The following MYO6 variants were observed in gnomAD, a reference collection of about 807,000 sequenced individuals.
The protein encoded by MYO6 is myosin VI, also known as unconventional myosin-VI.
Under a neutral mutation model 178.7 loss-of-function variants are expected in MYO6, and 74 were observed. The observed-to-expected ratio is 0.41, with a 90% CI of 0.34 to 0.50. The LOEUF (loss-of-function observed/expected upper bound fraction) is 0.50, where lower values mean the gene tolerates loss of function less well. MYO6 is among the 20% of genes least tolerant of loss of function. MYO6 has a pLI of 0.09. For synonymous variants in MYO6, 477 were observed against 504.6 expected (o/e 0.95, Z 0.73); for missense variants, 1,330 against 1,547.4 (o/e 0.86, Z 2.36).
Position 75,840,567 on chromosome 6 carries a change from T to A in MYO6, c.554-18T>A, listed in dbSNP as rs748675154. The A allele has an allele frequency of 4.9e-5, 77 of 1,574,294 alleles. No homozygotes were observed. Among genetic ancestry groups the A allele is most frequent in the Non-Finnish European group, 6.5e-5 (74 of 1,143,920 alleles). On this transcript the variant is annotated intron_variant, in intron 7 of 34. Coordinates refer to ENST00000369977, the MANE Select transcript of MYO6 (RefSeq NM_004999.4). ...CCGTCATGCTAATTTTTTGATGGAT[T>A]TTTTTGTTTCTCAATAGCTAACCCA...
chr6:75,848,352 A>G lies in MYO6; in HGVS notation c.899A>G (p.Tyr300Cys). ...QILQNRKSPE[Y>C]LKAGSMKDPL... is the part of the protein sequence containing the mutation. Reference sequence around the variant, plus strand: ...AATTGGTGTCTTCTTGTTTTGTAGTACCTTAAGGCAGGTTCTATGAAAGAT... The same window carrying G: ...AATTGGTGTCTTCTTGTTTTGTAGTGCCTTAAGGCAGGTTCTATGAAAGAT... The change falls in exon 11 of 35, where the codon TAC (tyrosine) becomes TGC (cysteine). Residue 300 changes from tyrosine (Y) to cysteine (C), a missense_variant and splice_region_variant. By Grantham distance (194) the Tyr-to-Cys change is radical. Coordinates refer to ENST00000369977, the MANE Select transcript of MYO6 (RefSeq NM_004999.4). The G allele has an allele frequency of 6.2e-7, 1 of 1,613,352 alleles. No individual in the cohort carries two copies. The highest frequency in any genetic ancestry group is 8.5e-7 in the Non-Finnish European group (1 of 1,179,438).
At chr6:75,847,920 C>T (rs1269439621) in intron 10 of MYO6, among the ~76,000 whole-genome samples, 2 of 151,772 alleles carry the variant, frequency 1.3e-5, no homozygotes, top group African/African-American at 4.8e-5. Context: ...ATGTTTGATA[C>T]ATGTATACAT....
chr6:75,903,592 C>T (rs1182356897), intron 30 of MYO6, among the ~76,000 whole-genome samples: 1 of 152,124 alleles, frequency 6.6e-6, no homozygotes, highest in African/African-American at 2.4e-5. Context: ...AGATCTTCCT[C>T]CATCCTTTTA....
At chr6:75,874,265 T>C (rs1777387721) in intron 20 of MYO6, among the ~76,000 whole-genome samples, 1 of 152,226 alleles carries the variant, frequency 6.6e-6, no homozygotes, top group African/African-American at 2.4e-5. Context: ...ACCATAGCTA[T>C]TGAGAAATCT....
At chr6:75,774,256 A>G (rs1766157072) in intron 1 of MYO6, among the ~76,000 whole-genome samples, 1 of 152,198 alleles carries the variant, frequency 6.6e-6, no homozygotes, top group African/African-American at 2.4e-5. Flanking sequence ...ATAAAATGGT[A>G]TATATTTTTC....
chr6:75,799,574 T>C (rs962529209), intron 1 of MYO6, among the ~76,000 whole-genome samples: 1 of 152,124 alleles, frequency 6.6e-6, no homozygotes, highest in Non-Finnish European at 1.5e-5. Context: ...CAAGCAAATA[T>C]ATAGACTTGT....
intron 18 of MYO6, among the ~76,000 whole-genome samples, chr6:75,870,062 C>T (rs910297176): frequency 1.3e-5 from 2 of 151,582 alleles, no homozygotes; most frequent in Non-Finnish European, 2.9e-5. Context: ...TGCAGTGAGC[C>T]TAGATCATGC....
intron 1 of MYO6, among the ~76,000 whole-genome samples, chr6:75,768,630 C>G (rs150939126): frequency 6.6e-6 from 1 of 152,162 alleles, no homozygotes; most frequent in African/African-American, 2.4e-5. Flanking sequence ...GATCCACCAG[C>G]CTCTGACTCC....
chr6:75,880,115 G>A lies in MYO6; in HGVS notation c.2281G>A (p.Gly761Ser). The A allele has an allele frequency of 1.1e-5, 18 of 1,605,714 alleles. No homozygotes were observed. The highest frequency in any genetic ancestry group is 1.5e-5 in the Non-Finnish European group (18 of 1,174,836). Residue 761 changes from glycine (G) to serine (S), a missense_variant, in exon 22 of 35, where the codon GGC becomes AGC. By Grantham distance (56) the Gly-to-Ser change is moderately conservative (BLOSUM62 0). Around this residue, in one of 3 missense-constraint regions of MYO6, gnomAD observed 613 missense variants for 816.8 expected, o/e 0.75. Coordinates refer to ENST00000369977, the MANE Select transcript of MYO6 (RefSeq NM_004999.4). ...GTTAACCAAAGTATTTTTTAGACCT[G>A]GCAAGGTAAATATACATTTTTTACT... is the stretch of plus-strand genomic sequence containing the variant. ...FGLTKVFFRPGKFAEFDQIMK... is the reference protein window; with the variant it reads ...FGLTKVFFRPSKFAEFDQIMK...
chr6:75,760,750 CT>C (rs879815888), intron 1 of MYO6, among the ~76,000 whole-genome samples: 334 of 140,354 alleles, frequency 2.4e-3, no homozygotes, highest in South Asian at 4.1e-3. Context: ...TGTAAGTAGG[CT>C]TTTTTTTTTT....
At chr6:75,859,077 T>C (rs896234453) in intron 14 of MYO6, 84 bp downstream of exon 14, 1 of 903,348 alleles carries the variant, frequency 1.1e-6, no homozygotes, top group African/African-American at 1.7e-5. Context: ...GTTACCCTGA[T>C]TGGTGTGGAT....
chr6:75,794,808 G>A (rs376899413), intron 1 of MYO6, among the ~76,000 whole-genome samples: 208 of 151,940 alleles, frequency 1.4e-3, no homozygotes, highest in East Asian at 4.3e-3. Flanking sequence ...TATAAAATGC[G>A]TCTTTGTGAA....
intron 1 of MYO6, among the ~76,000 whole-genome samples, chr6:75,789,414 A>T (rs928944293): frequency 1.3e-5 from 2 of 152,156 alleles, no homozygotes; most frequent in African/African-American, 4.8e-5. Context: ...TTTTCATGGT[A>T]ATTCGTATTG....
At chr6:75,821,624 T>TAC (rs3839376) in intron 2 of MYO6, among the ~76,000 whole-genome samples, 25 of 151,006 alleles carry the variant, frequency 1.7e-4, no homozygotes, top group South Asian at 1.3e-3. Context: ...GTTGTAGCTT[T>TAC]ACACACACAC....
chr6:75,792,715 A>G (rs1768370092), intron 1 of MYO6, among the ~76,000 whole-genome samples: 1 of 152,024 alleles, frequency 6.6e-6, no homozygotes, highest in Non-Finnish European at 1.5e-5. Flanking sequence ...ATATTTTTAC[A>G]TTGTTGTGCT....
intron 4 of MYO6, among the ~76,000 whole-genome samples, chr6:75,828,834 T>C (rs1772764235): frequency 6.6e-6 from 1 of 152,090 alleles, no homozygotes; most frequent in Non-Finnish European, 1.5e-5. Context: ...TTAATCAGTA[T>C]TTGTGGGATG....
chr6:75,837,244 A>T (rs567942010), intron 7 of MYO6, among the ~76,000 whole-genome samples: 1 of 152,366 alleles, frequency 6.6e-6, no homozygotes, highest in Admixed American at 6.5e-5. Flanking sequence ...ATCTTCACAG[A>T]ATGAATTAGA....
intron 3 of MYO6, among the ~76,000 whole-genome samples, chr6:75,828,258 T>C (rs535365037): frequency 4.9e-4 from 75 of 152,344 alleles, no homozygotes; most frequent in African/African-American, 1.7e-3. Flanking sequence ...CCCTCTTGAA[T>C]TGTGCTTTTT....
intron 30 of MYO6, 52 bp from the exon 31 acceptor site, chr6:75,907,553 T>C (rs1780424572): frequency 2.2e-6 from 3 of 1,393,716 alleles, no homozygotes; most frequent in African/African-American, 1.4e-5. Context: ...CTTTAGTCAA[T>C]GTTTTCTTCA....
Sources: gnomAD v4.1 joint callset for allele counts (sites outside exome capture counted in the v4.1 genomes callset) on GRCh38, gnomAD v4.1.1 for gene constraint, gnomAD v4.1.1 regional missense constraint, MANE v1.5 for transcripts, NCBI Gene and HGNC (gene_info 2026-07-23, HGNC 2026-07-21) for gene names.